The following CNTNAP4 variants were observed in gnomAD, a reference collection of about 807,000 sequenced individuals.
CNTNAP4 encodes contactin associated protein family member 4.
A neutral mutation model predicts 148.4 loss-of-function variants in CNTNAP4; 98 were observed. The ratio of observed to expected loss-of-function variants is 0.66; its 90% CI spans 0.56 to 0.78. CNTNAP4 has a LOEUF of 0.78. Among genes scored for constraint, CNTNAP4 ranks in the 30% least tolerant of loss-of-function variants. The pLI is 0.00. For missense variants in CNTNAP4, 1,935 were observed against 1,565.6 expected (o/e 1.24, Z -3.98); for synonymous variants, 730 against 565.1 (o/e 1.29, Z -4.14).
intron 17 of CNTNAP4, among the ~76,000 whole-genome samples, chr16:76,522,775 T>TCTTTC: frequency 9.7e-6 from 1 of 103,610 alleles, no homozygotes; most frequent in East Asian, 2.1e-4. Flanking sequence ...TCTTTTCTTT[T>TCTTTC]CTTTCTTGAC....
At chr16:76,380,840 C>T (rs1215770187) in intron 3 of CNTNAP4, among the ~76,000 whole-genome samples, 15 of 152,208 alleles carry the variant, frequency 9.9e-5, no homozygotes, top group Non-Finnish European at 8.8e-5. Context: ...ATATAGGATG[C>T]CTCTTCCACA....
chr16:76,492,438 A>G (rs1453152638), intron 13 of CNTNAP4, among the ~76,000 whole-genome samples: 1 of 152,238 alleles, frequency 6.6e-6, no homozygotes, highest in Non-Finnish European at 1.5e-5. Flanking sequence ...CAAAAGAAGG[A>G]TGGTTATCAA....
intron 3 of CNTNAP4, among the ~76,000 whole-genome samples, chr16:76,392,596 A>G (rs2078065524): frequency 6.6e-6 from 1 of 152,212 alleles, no homozygotes; most frequent in Non-Finnish European, 1.5e-5. Flanking sequence ...CACCACATGT[A>G]GTGCAGAGAT....
intron 16 of CNTNAP4, 51 bp from the exon 17 acceptor site, chr16:76,521,988 C>A: frequency 1.3e-6 from 2 of 1,533,454 alleles, no homozygotes; most frequent in Non-Finnish European, 1.8e-6. Context: ...GGAGACTCGG[C>A]ACTTCGCCAT....
At chr16:76,546,254 G>C (rs1228450077) in intron 21 of CNTNAP4, among the ~76,000 whole-genome samples, 1 of 152,178 alleles carries the variant, frequency 6.6e-6, no homozygotes, top group Non-Finnish European at 1.5e-5. Context: ...AGATCAGTAT[G>C]ATCGGGGGTT....
chr16:76,448,799 G>C lies in CNTNAP4; in HGVS notation c.775G>C (p.Val259Leu). The change falls in exon 6 of 24, where the codon GTC becomes CTC. Residue 259 changes from valine (V) to leucine (L), a missense_variant. Physicochemically the swap from Val to Leu is conservative, Grantham distance 32. Transcript: ENST00000611870. ...TAAACTGCCTTCCACTTCCACCCTG[G>C]TCAATCTCACCCTGGGCAGCCTGCT... is the stretch of plus-strand genomic sequence containing the variant. ...EAKLPSTSTL[V>L]NLTLGSLLDD... The C allele has an allele frequency of 6.2e-7, 1 of 1,610,442 alleles. No individual in the cohort carries two copies. The highest frequency in any genetic ancestry group is 8.5e-7 in the Non-Finnish European group (1 of 1,178,558).
intron 3 of CNTNAP4, among the ~76,000 whole-genome samples, chr16:76,367,903 C>T (rs1257940611): frequency 2.0e-5 from 3 of 152,154 alleles, no homozygotes; most frequent in Non-Finnish European, 4.4e-5. Flanking sequence ...TCTTATCAGT[C>T]CTAGGCTATT....
chr16:76,358,492 C>T (rs931568432), intron 3 of CNTNAP4, among the ~76,000 whole-genome samples: 18 of 152,070 alleles, frequency 1.2e-4, no homozygotes, highest in African/African-American at 4.1e-4. Context: ...CTGAATTTGT[C>T]AAAGTAGTAA....
chr16:76,503,192 G>A (rs1222619738), intron 15 of CNTNAP4, among the ~76,000 whole-genome samples: 1 of 152,102 alleles, frequency 6.6e-6, no homozygotes, highest in Non-Finnish European at 1.5e-5. Context: ...TTCCCTTTAA[G>A]TTCAGGATAA....
intron 11 of CNTNAP4, among the ~76,000 whole-genome samples, chr16:76,477,720 C>T (rs1423446846): frequency 6.6e-6 from 1 of 152,174 alleles, no homozygotes; most frequent in Non-Finnish European, 1.5e-5. Flanking sequence ...CCAGGACACC[C>T]AGCTAGTGGA....
At chr16:76,395,560 G>A (rs754577553) in intron 3 of CNTNAP4, among the ~76,000 whole-genome samples, 12 of 151,806 alleles carry the variant, frequency 7.9e-5, no homozygotes, top group Non-Finnish European at 1.6e-4. Flanking sequence ...CACCGCGCCC[G>A]GCCAAAGATT....
chr16:76,310,928 C>A (rs1292975902), intron 1 of CNTNAP4, among the ~76,000 whole-genome samples: 1 of 152,076 alleles, frequency 6.6e-6, no homozygotes, highest in South Asian at 2.1e-4. Flanking sequence ...GTCATGGGTC[C>A]TTAGGTAAAT....
At chr16:76,351,382 G>T (rs1329719192) in intron 2 of CNTNAP4, among the ~76,000 whole-genome samples, 1 of 151,176 alleles carries the variant, frequency 6.6e-6, no homozygotes, top group East Asian at 1.9e-4. Flanking sequence ...AAAAAATTCT[G>T]CAAAGAATAA....
chr16:76,408,509 G>T (rs1156446261), intron 3 of CNTNAP4, among the ~76,000 whole-genome samples: 1 of 150,442 alleles, frequency 6.6e-6, no homozygotes, highest in Admixed American at 6.6e-5. Flanking sequence ...TCAACCCCAT[G>T]GCCTTTTCTC....
Position 76,527,960 on chromosome 16 carries a change from T to C in CNTNAP4, c.2755+5703T>C, listed in dbSNP as rs1401518919. ...GTGTTACTCATTCTAAGATAGATGA[T>C]GTTATTTTTCCAGCATTAAGTAGTT... On this transcript the variant is annotated intron_variant, in intron 17 of 23. Transcript: ENST00000611870. Among the ~76,000 whole-genome samples, 4 of 152,274 alleles carry C rather than the reference T, an allele frequency of 2.6e-5. No individual in the cohort carries two copies. The East Asian group carries it at 5.8e-4, about 22-fold the overall frequency.
chr16:76,495,161 AGT>A, intron 14 of CNTNAP4, 95 bp downstream of exon 14: 1 of 1,235,248 alleles, frequency 8.1e-7, no homozygotes, highest in Non-Finnish European at 1.2e-6. Flanking sequence ...TGAACAAGTT[AGT>A]GCAATGAAGT....
intron 12 of CNTNAP4, among the ~76,000 whole-genome samples, chr16:76,482,385 G>C (rs1440676407): frequency 1.3e-5 from 2 of 150,534 alleles, no homozygotes; most frequent in Non-Finnish European, 1.5e-5. Context: ...TTTAAGATGT[G>C]ATCAGAAAAG....
intron 8 of CNTNAP4, among the ~76,000 whole-genome samples, chr16:76,452,989 T>G (rs939056635): frequency 6.6e-6 from 1 of 152,234 alleles, no homozygotes; most frequent in Non-Finnish European, 1.5e-5. Context: ...ATGATAGTTT[T>G]GGGGAACTGA....
At position 76,284,864 on chromosome 16, in the gene CNTNAP4, G is replaced by A. The variant is rs1417481822; in HGVS notation, c.85+7117G>A. Reference sequence around the variant, plus strand: ...AAAGTGCTGATTACTTCAGGGGGCTGATGGCTCTGTGTTGGTAAAGACCAA... The same window carrying A: ...AAAGTGCTGATTACTTCAGGGGGCTAATGGCTCTGTGTTGGTAAAGACCAA... On this transcript the variant is annotated intron_variant, in intron 1 of 23. Coordinates refer to ENST00000611870, the MANE Select transcript of CNTNAP4 (RefSeq NM_033401.5). Among the ~76,000 whole-genome samples the A allele has an allele frequency of 5.9e-5, 9 of 152,150 alleles. No homozygotes were observed. In the East Asian group the frequency reaches 1.7e-3, roughly 29 times the overall value.
Sources: allele counts gnomAD v4.1 joint callset (sites outside exome capture counted in the v4.1 genomes callset), GRCh38; gene constraint gnomAD v4.1.1; transcripts MANE v1.5; gene names NCBI Gene and HGNC (gene_info 2026-07-23, HGNC 2026-07-21).